Variants in UBE2F observed in about 807,000 individuals in gnomAD.
UBE2F encodes the protein ubiquitin conjugating enzyme E2 F (putative), also known as NEDD8-conjugating enzyme UBE2F.
In UBE2F, 5 loss-of-function variants were observed where a neutral mutation model predicts 29.6. That is an observed-to-expected ratio of 0.17 (90% CI 0.09 to 0.36). The LOEUF (loss-of-function observed/expected upper bound fraction) is 0.36. Ranked by LOEUF, UBE2F falls within the 10% of genes least tolerant of loss-of-function variation. The pLI is 1.00. For missense variants in UBE2F, 141 were observed against 228.5 expected, an observed-to-expected ratio of 0.62 and a Z score of 2.47; for synonymous variants, 66 against 81.8, an observed-to-expected ratio of 0.81 and a Z score of 1.04.
Position 238,030,538 on chromosome 2 carries a change from T to C in UBE2F, c.354-18T>C. 2 of 1,608,486 alleles carry C rather than the reference T, an allele frequency of 1.2e-6. No homozygotes were observed. The highest frequency in any genetic ancestry group is 1.7e-6 in the Non-Finnish European group (2 of 1,175,940). On this transcript the variant is annotated intron_variant, in intron 6 of 9. Coordinates refer to ENST00000272930, the MANE Select transcript of UBE2F (RefSeq NM_080678.3). ...TGTGGCTGCTCCTCACTAACCACTG[T>C]GTGTTTGTCTTTTTCAGTTTATTGA...
chr2:237,995,126 T>A (rs913734633), intron 4 of UBE2F, among the ~76,000 whole-genome samples: 1 of 152,158 alleles, frequency 6.6e-6, no homozygotes, highest in Non-Finnish European at 1.5e-5. Flanking sequence ...TTCCCTTACG[T>A]AGGAATAGTG....
chr2:237,994,720 C>G (rs770954023), intron 3 of UBE2F, 24 bp from the exon 4 acceptor site: 4 of 1,609,876 alleles, frequency 2.5e-6, no homozygotes, highest in Non-Finnish European at 1.7e-6. Flanking sequence ...GCCAGACCTT[C>G]CTGATGTGCT....
intron 2 of UBE2F, among the ~76,000 whole-genome samples, chr2:237,981,947 G>A (rs2063387248): frequency 2.0e-5 from 3 of 152,102 alleles, no homozygotes. Context: ...AGAGACCTAA[G>A]TTCTACCTGA....
At chr2:237,973,920 A>G (rs957944540) in intron 2 of UBE2F, among the ~76,000 whole-genome samples, 5 of 152,230 alleles carry the variant, frequency 3.3e-5, no homozygotes, top group South Asian at 4.1e-4. Context: ...CATAAGACCT[A>G]TAAAAGATGA....
chr2:237,975,736 T>C (rs2063268065), intron 2 of UBE2F, among the ~76,000 whole-genome samples: 1 of 152,178 alleles, frequency 6.6e-6, no homozygotes, highest in African/African-American at 2.4e-5. Flanking sequence ...CCTCCTGGGT[T>C]CAAGCGATTC....
chr2:237,992,001 A>G (rs964971995), intron 3 of UBE2F, among the ~76,000 whole-genome samples: 1 of 151,776 alleles, frequency 6.6e-6, no homozygotes, highest in African/African-American at 2.4e-5. Flanking sequence ...CTCAGCTGGG[A>G]TTACAGGCAT....
intron 1 of UBE2F, among the ~76,000 whole-genome samples, chr2:237,970,398 G>A (rs538042690): frequency 6.6e-6 from 1 of 152,266 alleles, no homozygotes; most frequent in African/African-American, 2.4e-5. Context: ...AAACATTTTT[G>A]TCATCCACAA....
In UBE2F at chr2:237,997,450, T is replaced by A. The variant is rs139283924; in HGVS notation, c.214+2641T>A. ...TATTAAGAGAAGTGTGGCCGAGATA[T>A]GCCAACCGGAAAAACTTGCTTCATA... On this transcript the variant is annotated intron_variant, in intron 4 of 9. Transcript: ENST00000272930. 2.0e-5 allele frequency among the ~76,000 whole-genome samples: 3 copies of A among 152,270 alleles called. No individual in the cohort carries two copies. In the East Asian group the frequency reaches 5.8e-4, roughly 29 times the overall value.
chr2:237,972,842 C>T (rs1022752886), intron 1 of UBE2F, among the ~76,000 whole-genome samples: 9 of 152,054 alleles, frequency 5.9e-5, no homozygotes, highest in African/African-American at 1.7e-4. Flanking sequence ...TGTGAGCCAC[C>T]GTGCCCAGCC....
chr2:238,025,486 TCTC>T (rs2064405279), intron 6 of UBE2F, 74 bp downstream of exon 6: 1 of 1,355,256 alleles, frequency 7.4e-7, no homozygotes, highest in African/African-American at 1.4e-5. Context: ...AAACATGTTG[TCTC>T]CTCTGAAAAG....
chr2:238,035,856 T>C, intron 8 of UBE2F, 22 bp from the exon 9 acceptor site: 1 of 1,599,280 alleles, frequency 6.3e-7, no homozygotes, highest in Non-Finnish European at 8.6e-7. Context: ...CAATGTTTAC[T>C]TTAAGTTTCT....
At chr2:238,036,163 G>GT (rs935768467) in intron 9 of UBE2F, among the ~76,000 whole-genome samples, 7 of 151,914 alleles carry the variant, frequency 4.6e-5, no homozygotes, top group Admixed American at 3.9e-4. Context: ...TTGTTTTTTT[G>GT]TTTTTTGTTT....
intron 4 of UBE2F, among the ~76,000 whole-genome samples, chr2:238,008,423 T>C (rs990402414): frequency 1.3e-5 from 2 of 152,242 alleles, no homozygotes; most frequent in Non-Finnish European, 2.9e-5. Context: ...TTCAAGGGAT[T>C]TGCTCATATC....
At chr2:237,994,677 A>T in intron 3 of UBE2F, 67 bp from the exon 4 acceptor site, 1 of 1,300,380 alleles carries the variant, frequency 7.7e-7, no homozygotes, top group Non-Finnish European at 1.1e-6. Flanking sequence ...ACGTGTTCAA[A>T]GGTTAGCGTC....
chr2:238,026,028 A>G (rs1221100580), intron 6 of UBE2F, among the ~76,000 whole-genome samples: 1 of 152,086 alleles, frequency 6.6e-6, no homozygotes, highest in African/African-American at 2.4e-5. Flanking sequence ...TTGGTTTTTA[A>G]AGTAAGTTTC....
chr2:237,977,176 C>T (rs865924842), intron 2 of UBE2F, among the ~76,000 whole-genome samples: 19 of 152,006 alleles, frequency 1.2e-4, no homozygotes, highest in Middle Eastern at 3.2e-3. Flanking sequence ...TGACAGGGCC[C>T]AGCTGAGGTT....
At chr2:238,006,776 T>G (rs2063917212) in intron 4 of UBE2F, among the ~76,000 whole-genome samples, 1 of 92,094 alleles carries the variant, frequency 1.1e-5, no homozygotes, top group East Asian at 3.8e-4. Flanking sequence ...TTTTTTTTTT[T>G]GAGAGTTTCC....
intron 9 of UBE2F, among the ~76,000 whole-genome samples, chr2:238,036,999 ACT>A (rs1268598204): frequency 2.0e-5 from 3 of 152,186 alleles, no homozygotes; most frequent in African/African-American, 7.2e-5. Flanking sequence ...CCTATTCATT[ACT>A]GTTTTTAATT....
intron 3 of UBE2F, among the ~76,000 whole-genome samples, chr2:237,992,888 A>C: frequency 6.6e-6 from 1 of 152,242 alleles, no homozygotes; most frequent in South Asian, 2.1e-4. Context: ...ACTTGTAAGA[A>C]AACTTTAAAC....
Sources: allele counts gnomAD v4.1 joint callset (sites outside exome capture counted in the v4.1 genomes callset), GRCh38; gene constraint gnomAD v4.1.1; transcripts MANE v1.5; gene names NCBI Gene and HGNC (gene_info 2026-07-23, HGNC 2026-07-21).